Variants in LRRIQ1 observed in about 807,000 individuals in gnomAD.
LRRIQ1 encodes leucine-rich repeat- and IQ domain-containing protein 1.
LRRIQ1 carries 210 observed loss-of-function variants against 211.9 expected under a neutral mutation model. That is an observed-to-expected ratio of 0.99 (90% CI 0.89 to 1.11). The LOEUF is 1.11. LRRIQ1 is among the 50% of genes most tolerant of loss of function. The pLI is 0.00. For missense variants in LRRIQ1, 2,136 were observed against 1,939.5 expected, an observed-to-expected ratio of 1.10 and a Z score of -1.90; for synonymous variants, 699 against 650.1, an observed-to-expected ratio of 1.08 and a Z score of -1.14.
intron 24 of LRRIQ1, among the ~76,000 whole-genome samples, chr12:85,169,590 A>G (rs1027969361): frequency 1.3e-5 from 2 of 152,146 alleles, no homozygotes; most frequent in African/African-American, 4.8e-5. Flanking sequence ...CTTTCTGCCT[A>G]AACAGTGCCC....
intron 24 of LRRIQ1, among the ~76,000 whole-genome samples, chr12:85,169,786 A>G (rs866659160): frequency 2.6e-5 from 4 of 152,232 alleles, no homozygotes; most frequent in South Asian, 2.1e-4. Flanking sequence ...CTGCTTACTT[A>G]TATATTGTGG....
At chr12:85,235,916 A>C (rs1895152837) in intron 26 of LRRIQ1, among the ~76,000 whole-genome samples, 1 of 152,196 alleles carries the variant, frequency 6.6e-6, no homozygotes, top group African/African-American at 2.4e-5. Context: ...GTGTCACAAG[A>C]CATAAAGGCT....
chr12:85,160,477 T>G, intron 23 of LRRIQ1, 136 bp from the exon 24 acceptor site: 1 of 504,918 alleles, frequency 2.0e-6, no homozygotes, highest in Non-Finnish European at 3.5e-6. Flanking sequence ...AAGCTTAATA[T>G]AACATCATCA....
At chr12:85,257,184 T>TATATAATATAATATATAATATATATCA (rs1555231420) in intron 1 of LRRIQ1, among the ~76,000 whole-genome samples, 1 of 49,340 alleles carries the variant, frequency 2.0e-5, no homozygotes, top group African/African-American at 1.1e-4. Flanking sequence ...TATGTATTAA[T>TATATAATATAATATATAATATATATCA]TATATATTAT....
chr12:85,074,050 T>G (rs186759976), intron 11 of LRRIQ1, among the ~76,000 whole-genome samples: 2 of 152,184 alleles, frequency 1.3e-5, no homozygotes, highest in Admixed American at 1.3e-4. Context: ...TTTCTAATTC[T>G]TACTGTGCTA....
chr12:85,061,381 C>CTATAAA (rs1056214824), intron 8 of LRRIQ1, among the ~76,000 whole-genome samples: 2 of 151,404 alleles, frequency 1.3e-5, no homozygotes, highest in African/African-American at 4.8e-5. Flanking sequence ...TATTGCTATA[C>CTATAAA]TATAAAGATT....
At position 85,098,439 on chromosome 12, in the gene LRRIQ1, C is replaced by T. The variant is rs577819664; in HGVS notation, c.2972C>T (p.Pro991Leu). Residue 991 changes from proline (P) to leucine (L), a missense_variant, in exon 12 of 27, where the codon CCT becomes CTT. By Grantham distance (98) the Pro-to-Leu change is moderately conservative (BLOSUM62 -3). Transcript: ENST00000393217. The stretch of plus-strand genomic sequence containing the variant: ...AATACAAAAGGTCTTTGTGATACAC[C>T]TACCATTGTATACCTAGATTGCTCC... ...LINTKGLCDT[P>L]TIVYLDCSHN... 1.9e-6 allele frequency: 3 copies of T among 1,609,572 alleles called. No individual in the cohort carries two copies. The highest frequency in any genetic ancestry group is 4.5e-5 in the East Asian group (2 of 44,680).
At chr12:85,202,607 T>C (rs1376053455) in intron 24 of LRRIQ1, among the ~76,000 whole-genome samples, 1 of 152,188 alleles carries the variant, frequency 6.6e-6, no homozygotes, top group Non-Finnish European at 1.5e-5. Flanking sequence ...TAGCAACCCC[T>C]GATTTTTCTC....
At chr12:85,090,954 G>A (rs1331393467) in intron 11 of LRRIQ1, among the ~76,000 whole-genome samples, 1 of 152,128 alleles carries the variant, frequency 6.6e-6, no homozygotes, top group African/African-American at 2.4e-5. Context: ...CTGAAGGTGA[G>A]GTATGGTGGG....
intron 24 of LRRIQ1, among the ~76,000 whole-genome samples, chr12:85,224,004 A>G (rs1418425086): frequency 6.6e-6 from 1 of 152,130 alleles, no homozygotes; most frequent in African/African-American, 2.4e-5. Context: ...CTCATAAAGT[A>G]TGTAATTGGT....
chr12:85,250,615 C>G (rs1895879076), intron 1 of LRRIQ1, among the ~76,000 whole-genome samples: 1 of 149,110 alleles, frequency 6.7e-6, no homozygotes, highest in African/African-American at 2.5e-5. Flanking sequence ...TTCTGTGCAC[C>G]TGTAGTCCCA....
chr12:85,263,815 C>T (rs1896363859), exon 2 of LRRIQ1: 1 of 151,800 alleles, frequency 6.6e-6, no homozygotes, highest in South Asian at 2.1e-4. Flanking sequence ...TTTCAAAGTT[C>T]AACTTACCAT....
chr12:85,054,092 A>C (rs1205188172), intron 7 of LRRIQ1, among the ~76,000 whole-genome samples: 3 of 152,062 alleles, frequency 2.0e-5, no homozygotes, highest in Non-Finnish European at 4.4e-5. Context: ...CATTCTTTTG[A>C]AGCTTTAGGA....
chr12:85,050,770 G>T, intron 6 of LRRIQ1, among the ~76,000 whole-genome samples: 1 of 152,086 alleles, frequency 6.6e-6, no homozygotes, highest in East Asian at 1.9e-4. Context: ...TTAAAAATAC[G>T]TTACTTCCAT....
At chr12:85,180,003 T>C (rs143425678) in intron 24 of LRRIQ1, among the ~76,000 whole-genome samples, 78 of 152,060 alleles carry the variant, frequency 5.1e-4, no homozygotes, top group African/African-American at 1.9e-3. Flanking sequence ...TTAATAAACA[T>C]TTCTGACTTA....
chr12:85,229,705 G>C, intron 25 of LRRIQ1, 56 bp downstream of exon 25: 1 of 1,542,098 alleles, frequency 6.5e-7, no homozygotes, highest in East Asian at 2.3e-5. Flanking sequence ...CTTGAAAATT[G>C]AAACCTAGGT....
chr12:85,224,290 TG>T (rs1446338901), intron 24 of LRRIQ1, among the ~76,000 whole-genome samples: 1 of 152,124 alleles, frequency 6.6e-6, no homozygotes, highest in Non-Finnish European at 1.5e-5. Flanking sequence ...ACTTTTACAC[TG>T]TTGGTGGGAG....
chr12:85,088,863 A>G (rs1177488214), intron 11 of LRRIQ1, among the ~76,000 whole-genome samples: 1 of 152,220 alleles, frequency 6.6e-6, no homozygotes, highest in Non-Finnish European at 1.5e-5. Context: ...GGTTTTCTAA[A>G]TATACAATCA....
Position 85,153,926 on chromosome 12 carries a change from T to G in LRRIQ1, c.4638-86T>G, listed in dbSNP as rs1890391442. ...CACATTTATTTTAGTATGCTATAATTCAGATATGCATGTCTATTTTTATAT... is the reference window on the plus strand; with the variant it reads ...CACATTTATTTTAGTATGCTATAATGCAGATATGCATGTCTATTTTTATAT... On this transcript the variant is annotated intron_variant, in intron 22 of 26. Coordinates refer to ENST00000393217, the MANE Select transcript of LRRIQ1 (RefSeq NM_001079910.2). 3.0e-6 allele frequency: 3 copies of G among 997,670 alleles called. No homozygotes were observed. The East Asian group carries it at 8.3e-5, about 28-fold the overall frequency. The allele number at this position is 997,670 out of a possible 1,614,324, so 61.8% of individuals were successfully genotyped here.
Sources: allele counts gnomAD v4.1 joint callset (sites outside exome capture counted in the v4.1 genomes callset), GRCh38; gene constraint gnomAD v4.1.1; transcripts MANE v1.5; gene names NCBI Gene and HGNC (gene_info 2026-07-23, HGNC 2026-07-21).